MOB3B: variants seen among roughly 807,000 people sequenced by gnomAD.
MOB3B encodes MOB kinase activator 3B.
MOB3B carries 7 observed loss-of-function variants against 18.7 expected under a neutral mutation model. The ratio of observed to expected loss-of-function variants is 0.37; its 90% CI spans 0.21 to 0.70. The LOEUF (loss-of-function observed/expected upper bound fraction) is 0.70, where lower values mean the gene tolerates loss of function less well. MOB3B is among the 30% of genes least tolerant of loss of function. MOB3B has a pLI of 0.52. For synonymous variants in MOB3B, 111 were observed against 99.9 expected (o/e 1.11, Z -0.66); for missense variants, 253 against 281.3 (o/e 0.90, Z 0.72).
intron 2 of MOB3B, among the ~76,000 whole-genome samples, chr9:27,422,348 T>C (rs1423469424): frequency 2.0e-5 from 3 of 152,226 alleles, no homozygotes; most frequent in Non-Finnish European, 4.4e-5. Flanking sequence ...TCAGTCCAAC[T>C]TCAACGCTTT....
chr9:27,359,568 C>T (rs1328612217), intron 2 of MOB3B, among the ~76,000 whole-genome samples: 1 of 152,110 alleles, frequency 6.6e-6, no homozygotes, highest in African/African-American at 2.4e-5. Context: ...TAAACATTAG[C>T]AATTAACTTG....
intron 3 of MOB3B, among the ~76,000 whole-genome samples, chr9:27,343,178 C>T (rs1047734352): frequency 2.6e-5 from 4 of 151,562 alleles, no homozygotes; most frequent in Non-Finnish European, 5.9e-5. Flanking sequence ...ACTTTACCCC[C>T]AACCCCGTGC....
intron 2 of MOB3B, among the ~76,000 whole-genome samples, chr9:27,416,969 G>T (rs1233290431): frequency 6.6e-6 from 1 of 152,284 alleles, no homozygotes; most frequent in South Asian, 2.1e-4. Flanking sequence ...TTTAGAACTG[G>T]TGTGCGATTG....
chr9:27,473,526 C>T (rs1819505491), intron 1 of MOB3B, among the ~76,000 whole-genome samples: 2 of 152,102 alleles, frequency 1.3e-5, no homozygotes, highest in Admixed American at 1.3e-4. Flanking sequence ...CTAAACTAAT[C>T]CACATCAAGG....
chr9:27,453,878 C>G (rs183716579), intron 2 of MOB3B, among the ~76,000 whole-genome samples: 23 of 152,248 alleles, frequency 1.5e-4, no homozygotes, highest in African/African-American at 5.3e-4. Context: ...TAAGAAATTT[C>G]CACCACTCTG....
Position 27,343,478 on chromosome 9 carries a change from T to TAAAAAAAAA in MOB3B, c.622-12871_622-12863dup, listed in dbSNP as rs779124158. Among the ~76,000 whole-genome samples, 338 of 84,284 alleles carry TAAAAAAAAA rather than the reference T, an allele frequency of 4.0e-3. 3 individuals are homozygous for TAAAAAAAAA. The highest frequency in any genetic ancestry group is 0.016 in the African/African-American group (322 of 20,000). The allele number at this position is 84,284 out of a possible 152,430, so 55.3% of individuals were successfully genotyped here. ...ACACCCAAGAATGCTCAATAAATAC[T>TAAAAAAAAA]AAAAAAAAAAAAAAAAAAAAAAGAA... On this transcript the variant is annotated intron_variant, in intron 3 of 3. Coordinates refer to ENST00000262244, the MANE Select transcript of MOB3B (RefSeq NM_024761.5).
intron 3 of MOB3B, among the ~76,000 whole-genome samples, chr9:27,341,325 TC>T (rs1426488838): frequency 6.6e-6 from 1 of 152,160 alleles, no homozygotes. Context: ...AGAATTTACC[TC>T]CCCTGGGAAA....
intron 3 of MOB3B, 121 bp from the exon 4 acceptor site, chr9:27,330,737 G>A (rs1272645354): frequency 1.4e-6 from 2 of 1,433,084 alleles, no homozygotes; most frequent in Non-Finnish European, 1.9e-6. Flanking sequence ...TGCAAGCATG[G>A]TCCATGAATA....
At chr9:27,390,497 C>T (rs111343778) in intron 2 of MOB3B, among the ~76,000 whole-genome samples, 6,520 of 152,278 alleles carry the variant, frequency 0.043, 470 homozygotes, top group African/African-American at 0.15. Context: ...CCACCGTGCC[C>T]GGCCAAGTTG....
rs756275032 is a variant in MOB3B at position 27,404,347 on chromosome 9, C to CTTT, written c.419-45114_419-45112dup. 7.1e-3 allele frequency among the ~76,000 whole-genome samples: 536 copies of CTTT among 75,236 alleles called. 8 individuals carry two copies. Among genetic ancestry groups the CTTT allele is most frequent in the East Asian group, 0.021 (39 of 1,898 alleles). 49.4% of individuals were successfully genotyped at this position (75,236 alleles called of 152,430 possible). On this transcript the variant is annotated intron_variant, in intron 2 of 3. Coordinates refer to ENST00000262244, the MANE Select transcript of MOB3B (RefSeq NM_024761.5). ...TCTTTCTTTCTTTCCTTCTTTCTTT[C>CTTT]TTTTTTTTTTTTTTTTTTTTTTTTT...
chr9:27,463,732 A>T (rs1352826937), intron 1 of MOB3B, among the ~76,000 whole-genome samples: 1 of 152,158 alleles, frequency 6.6e-6, no homozygotes, highest in Non-Finnish European at 1.5e-5. Flanking sequence ...AAGCTGAGCC[A>T]GGCTGATTGC....
intron 2 of MOB3B, among the ~76,000 whole-genome samples, chr9:27,407,941 G>T (rs1310053075): frequency 1.3e-5 from 2 of 152,028 alleles, no homozygotes; most frequent in African/African-American, 4.8e-5. Flanking sequence ...TCAGATACTG[G>T]GGACCTGAGA....
rs192628493 is a variant in MOB3B at position 27,366,059 on chromosome 9, G to C, written c.419-6823C>G. ...AAGGAGGAGGCAGGCCAGGGTGCTG[G>C]GGTGAGGGTGGAGAGTAAGGAGAGT... On this transcript the variant is annotated intron_variant, in intron 2 of 3. Coordinates refer to ENST00000262244, the MANE Select transcript of MOB3B (RefSeq NM_024761.5). Among the ~76,000 whole-genome samples the C allele has an allele frequency of 3.1e-3, 479 of 152,294 alleles. 3 individuals are homozygous for C. The highest frequency in any genetic ancestry group is 0.011 in the African/African-American group (446 of 41,560).
At chr9:27,418,256 A>G (rs943181814) in intron 2 of MOB3B, among the ~76,000 whole-genome samples, 2 of 152,164 alleles carry the variant, frequency 1.3e-5, no homozygotes, top group African/African-American at 4.8e-5. Context: ...ATTCTACCAG[A>G]CATTCAAAGA....
intron 3 of MOB3B, among the ~76,000 whole-genome samples, chr9:27,352,639 T>G (rs1821121517): frequency 6.6e-6 from 1 of 152,122 alleles, no homozygotes; most frequent in Non-Finnish European, 1.5e-5. Context: ...CCCACCTCCC[T>G]CTCCATGCGG....
chr9:27,386,900 C>T (rs947478759), intron 2 of MOB3B, among the ~76,000 whole-genome samples: 3 of 152,202 alleles, frequency 2.0e-5, no homozygotes, highest in African/African-American at 7.2e-5. Context: ...TCTCATCCCT[C>T]CTAAGGCATG....
intron 3 of MOB3B, among the ~76,000 whole-genome samples, chr9:27,348,344 T>C (rs956586650): frequency 6.7e-6 from 1 of 149,288 alleles, no homozygotes; most frequent in African/African-American, 2.6e-5. Flanking sequence ...TGAAGAATTA[T>C]TTAACATTTC....
At chr9:27,482,140 G>A (rs533123876) in intron 1 of MOB3B, among the ~76,000 whole-genome samples, 58 of 152,328 alleles carry the variant, frequency 3.8e-4, no homozygotes, top group Non-Finnish European at 7.2e-4. Flanking sequence ...ATGAATGGAA[G>A]CGAAGGCTTA....
intron 2 of MOB3B, among the ~76,000 whole-genome samples, chr9:27,431,469 T>A (rs2131422827): frequency 6.6e-6 from 1 of 152,314 alleles, no homozygotes; most frequent in Non-Finnish European, 1.5e-5. Flanking sequence ...AGGACAGCCT[T>A]AGGCATCTTC....
Sources: allele counts gnomAD v4.1 joint callset (sites outside exome capture counted in the v4.1 genomes callset), GRCh38; gene constraint gnomAD v4.1.1; transcripts MANE v1.5; gene names NCBI Gene and HGNC (gene_info 2026-07-23, HGNC 2026-07-21).